FAM171A1: variants seen among roughly 807,000 people sequenced by gnomAD.
FAM171A1 encodes protein FAM171A1.
In FAM171A1, 23 loss-of-function variants were observed where a neutral mutation model predicts 74.9. The observed-to-expected ratio is 0.31, with a 90% CI of 0.22 to 0.44. The LOEUF is 0.44. Among genes scored for constraint, FAM171A1 ranks in the 20% least tolerant of loss-of-function variants. The probability of loss-of-function intolerance (pLI) is 1.00; values close to 1 mark genes in which losing one functional copy is unlikely to be tolerated. For synonymous variants in FAM171A1, 527 were observed against 505.7 expected, an observed-to-expected ratio of 1.04 and a Z score of -0.57; for missense variants, 1,162 against 1,159.2, an observed-to-expected ratio of 1.00 and a Z score of -0.03.
chr10:15,370,235 T>A (rs774470279), intron 1 of FAM171A1, among the ~76,000 whole-genome samples: 23 of 138,782 alleles, frequency 1.7e-4, no homozygotes, highest in Non-Finnish European at 3.1e-4. Flanking sequence ...CTGGAAAGGA[T>A]TTTTCTTTTT....
intron 1 of FAM171A1, among the ~76,000 whole-genome samples, chr10:15,310,561 T>C (rs564907028): frequency 6.6e-6 from 1 of 152,188 alleles, no homozygotes; most frequent in African/African-American, 2.4e-5. Flanking sequence ...AAACTCCTTC[T>C]AGTATAAAGA....
chr10:15,254,572 A>G (rs949617968), intron 4 of FAM171A1, 149 bp downstream of exon 4: 25 of 815,506 alleles, frequency 3.1e-5, no homozygotes, highest in East Asian at 3.0e-4. Context: ...CACAGTTTCA[A>G]AGCACTTGAA....
chr10:15,338,801 C>T (rs768520628), intron 1 of FAM171A1, among the ~76,000 whole-genome samples: 1 of 152,186 alleles, frequency 6.6e-6, no homozygotes, highest in Admixed American at 6.5e-5. Context: ...AATGCAGTAG[C>T]GTGATCTTGG....
chr10:15,267,533 G>A (rs900781963), intron 3 of FAM171A1, among the ~76,000 whole-genome samples: 15 of 144,132 alleles, frequency 1.0e-4, no homozygotes, highest in Non-Finnish European at 1.6e-4. Flanking sequence ...AACCCAGGAG[G>A]CAGAGGTTGC....
chr10:15,317,498 G>C (rs759502264), intron 1 of FAM171A1, among the ~76,000 whole-genome samples: 3 of 152,034 alleles, frequency 2.0e-5, no homozygotes, highest in African/African-American at 7.2e-5. Flanking sequence ...AGGTTCAAGC[G>C]ACTCTCCTGC....
intron 1 of FAM171A1, among the ~76,000 whole-genome samples, chr10:15,328,727 G>A (rs921886790): frequency 6.6e-6 from 1 of 152,070 alleles, no homozygotes; most frequent in Non-Finnish European, 1.5e-5. Context: ...TAGCCTTGGG[G>A]ATCTGGCAAC....
At chr10:15,352,867 G>A (rs1159419027) in intron 1 of FAM171A1, among the ~76,000 whole-genome samples, 2 of 152,194 alleles carry the variant, frequency 1.3e-5, no homozygotes, top group African/African-American at 4.8e-5. Context: ...AGAGTAAAGG[G>A]AAGCAAACGT....
intron 5 of FAM171A1, among the ~76,000 whole-genome samples, chr10:15,236,577 C>T (rs1834293737): frequency 6.6e-6 from 1 of 151,952 alleles, no homozygotes; most frequent in South Asian, 2.1e-4. Flanking sequence ...GGGCTGCACA[C>T]TGCCTCTATC....
chr10:15,322,149 G>A (rs1298836701), intron 1 of FAM171A1, among the ~76,000 whole-genome samples: 2 of 152,160 alleles, frequency 1.3e-5, no homozygotes, highest in Non-Finnish European at 2.9e-5. Flanking sequence ...TTAGAAGGCT[G>A]CAGAAAAATA....
chr10:15,300,677 C>T (rs1304845683), intron 1 of FAM171A1, among the ~76,000 whole-genome samples: 1 of 141,670 alleles, frequency 7.1e-6, no homozygotes. Flanking sequence ...TTTGGACTGA[C>T]AACCTAGAGT....
Position 15,248,811 on chromosome 10 carries a change from G to C in FAM171A1, c.582C>G (p.Asn194Lys). ...LRGLDGNGTG[N>K]STRHDLTPVT... Reference sequence around the variant, plus strand: ...CTGGGGTCAGGTCATGCCTGGTGCTGTTTCCTAGAAGGAAGAGGCATTTTC... The same window carrying C: ...CTGGGGTCAGGTCATGCCTGGTGCTCTTTCCTAGAAGGAAGAGGCATTTTC... The change falls in exon 5 of 8, where the codon AAC becomes AAG. Residue 194 changes from asparagine (N) to lysine (K), a missense_variant. By Grantham distance (94) the Asn-to-Lys change is moderately conservative (BLOSUM62 0). Coordinates refer to ENST00000378116, the MANE Select transcript of FAM171A1 (RefSeq NM_001010924.2). The C allele has an allele frequency of 6.2e-7, 1 of 1,604,488 alleles. No homozygotes were observed. Among genetic ancestry groups the C allele is most frequent in the African/African-American group, 1.3e-5 (1 of 74,694 alleles).
At chr10:15,324,500 C>T (rs910172149) in intron 1 of FAM171A1, among the ~76,000 whole-genome samples, 4 of 152,132 alleles carry the variant, frequency 2.6e-5, no homozygotes, top group African/African-American at 7.2e-5. Flanking sequence ...CAATCAGCTA[C>T]CTTTAGACTA....
At chr10:15,255,184 T>A (rs962224188) in intron 3 of FAM171A1, among the ~76,000 whole-genome samples, 1 of 152,202 alleles carries the variant, frequency 6.6e-6, no homozygotes, top group Non-Finnish European at 1.5e-5. Context: ...TGCCTGTGGA[T>A]CTGGGTAGCA....
chr10:15,369,868 T>TCGGG (rs1388260865), intron 1 of FAM171A1, among the ~76,000 whole-genome samples: 1 of 152,188 alleles, frequency 6.6e-6, no homozygotes, highest in Admixed American at 6.5e-5. Context: ...GGGACAGGCC[T>TCGGG]CGGGCTCGGA....
At chr10:15,253,003 T>C (rs937191631) in intron 4 of FAM171A1, among the ~76,000 whole-genome samples, 8 of 152,142 alleles carry the variant, frequency 5.3e-5, no homozygotes, top group African/African-American at 1.9e-4. Context: ...TTTAAAACTT[T>C]GTTTTTTTGT....
upstream of FAM171A1, among the ~76,000 whole-genome samples, chr10:15,371,991 A>G (rs1383304790): frequency 1.3e-5 from 2 of 152,194 alleles, no homozygotes; most frequent in South Asian, 2.1e-4. Flanking sequence ...ATGAAAAATT[A>G]TAAGAGGAAA....
At chr10:15,259,109 G>A (rs1341226370) in intron 3 of FAM171A1, among the ~76,000 whole-genome samples, 1 of 151,908 alleles carries the variant, frequency 6.6e-6, no homozygotes, top group African/African-American at 2.4e-5. Flanking sequence ...TTGATTCTAG[G>A]TCACCATCAT....
At chr10:15,263,746 T>TCTATCTATCTAA (rs1292499402) in intron 3 of FAM171A1, among the ~76,000 whole-genome samples, 6 of 121,026 alleles carry the variant, frequency 5.0e-5, no homozygotes, top group Admixed American at 3.9e-4. Flanking sequence ...TGTCTGTCTA[T>TCTATCTATCTAA]CTATCTATCT....
chr10:15,303,017 C>T (rs987789422), intron 1 of FAM171A1, among the ~76,000 whole-genome samples: 5 of 152,044 alleles, frequency 3.3e-5, no homozygotes, highest in African/African-American at 4.8e-5. Context: ...GGTGAAACCC[C>T]GTCTCTACTA....
Sources: allele counts gnomAD v4.1 joint callset (sites outside exome capture counted in the v4.1 genomes callset), GRCh38; gene constraint gnomAD v4.1.1; transcripts MANE v1.5; gene names NCBI Gene and HGNC (gene_info 2026-07-23, HGNC 2026-07-21).